Variants in STPG2 observed in about 807,000 individuals in gnomAD.
STPG2 encodes the protein sperm-tail PG-rich repeat-containing protein 2.
In STPG2, 56 loss-of-function variants were observed where a neutral mutation model predicts 54.2. The ratio of observed to expected loss-of-function variants is 1.03; its 90% CI spans 0.83 to 1.29. The LOEUF (loss-of-function observed/expected upper bound fraction) is 1.29, where lower values mean the gene tolerates loss of function less well. Among genes scored for constraint, STPG2 ranks in the 50% most tolerant of loss-of-function variants. STPG2 has a pLI of 0.00. For synonymous variants in STPG2, 200 were observed against 181.8 expected, an observed-to-expected ratio of 1.10 and a Z score of -0.81; for missense variants, 596 against 544.9, an observed-to-expected ratio of 1.09 and a Z score of -0.93.
intron 9 of STPG2, among the ~76,000 whole-genome samples, chr4:97,740,412 A>C (rs1229382108): frequency 6.6e-6 from 1 of 152,154 alleles, no homozygotes; most frequent in African/African-American, 2.4e-5. Flanking sequence ...GGAAAAGAGG[A>C]AGTCAAATTG....
chr4:98,051,620 G>T (rs889170938), intron 5 of STPG2, among the ~76,000 whole-genome samples: 1 of 151,928 alleles, frequency 6.6e-6, no homozygotes, highest in African/African-American at 2.4e-5. Flanking sequence ...CAACTTCCCA[G>T]TCTCCAGAAT....
At chr4:98,062,434 C>T (rs542571119) in intron 5 of STPG2, among the ~76,000 whole-genome samples, 84 of 151,908 alleles carry the variant, frequency 5.5e-4, no homozygotes, top group Non-Finnish European at 9.9e-4. Flanking sequence ...TCGCATGTAC[C>T]CCAGAACCTA....
chr4:97,460,309 A>G (rs1729631414), intron 4 of STPG2, among the ~76,000 whole-genome samples: 1 of 151,746 alleles, frequency 6.6e-6, no homozygotes, highest in South Asian at 2.1e-4. Context: ...TAGGCATGTT[A>G]TATATTTTAT....
Position 97,598,160 on chromosome 4 carries a change from C to T in STPG2, c.1321-39043G>A, listed in dbSNP as rs944394719. ...CAATAGCCACAAAAAGAAACAAATA[C>T]GTAGGAATACAGCTAACAGGGAAGG... On this transcript the variant is annotated intron_variant, in intron 10 of 10. Coordinates refer to ENST00000295268, the MANE Select transcript of STPG2 (RefSeq NM_174952.3). 2.0e-5 allele frequency among the ~76,000 whole-genome samples: 3 copies of T among 151,862 alleles called. No individual in the cohort carries two copies. In the South Asian group the frequency reaches 6.2e-4, roughly 32 times the overall value.
At chr4:97,547,824 G>A (rs1731872397) in intron 4 of STPG2, among the ~76,000 whole-genome samples, 1 of 152,114 alleles carries the variant, frequency 6.6e-6, no homozygotes, top group Non-Finnish European at 1.5e-5. Flanking sequence ...TCGAGGAAGG[G>A]AGCTCTATTG....
intron 10 of STPG2, among the ~76,000 whole-genome samples, chr4:97,638,820 G>A (rs1295595651): frequency 2.1e-5 from 3 of 143,918 alleles, no homozygotes; most frequent in Middle Eastern, 3.5e-3. Flanking sequence ...AGTTAGAATG[G>A]CAATCATTAA....
intron 3 of STPG2, among the ~76,000 whole-genome samples, chr4:98,125,967 G>A (rs567107389): frequency 1.1e-4 from 16 of 152,264 alleles, no homozygotes; most frequent in Admixed American, 2.6e-4. Flanking sequence ...CCACTGTGCC[G>A]TGGTGTGGGG....
At chr4:97,905,696 G>C (rs1045974936) in intron 8 of STPG2, among the ~76,000 whole-genome samples, 117 of 152,114 alleles carry the variant, frequency 7.7e-4, no homozygotes, top group Non-Finnish European at 1.1e-3. Context: ...TCAGTGTGCT[G>C]TATTCAGGAA....
At chr4:97,968,323 G>A (rs1734193429) in intron 7 of STPG2, among the ~76,000 whole-genome samples, 1 of 152,020 alleles carries the variant, frequency 6.6e-6, no homozygotes, top group Admixed American at 6.6e-5. Flanking sequence ...AAATTTCCAG[G>A]ACAAGATGGA....
At chr4:98,114,992 T>C (rs1397712288) in intron 3 of STPG2, among the ~76,000 whole-genome samples, 2 of 151,928 alleles carry the variant, frequency 1.3e-5, no homozygotes, top group East Asian at 1.9e-4. Flanking sequence ...CAATACCAAC[T>C]TCAAGGTCAC....
At chr4:97,587,986 T>A (rs1001593702) in intron 10 of STPG2, among the ~76,000 whole-genome samples, 5 of 152,024 alleles carry the variant, frequency 3.3e-5, no homozygotes, top group African/African-American at 1.2e-4. Context: ...ACCCTGAGAT[T>A]TGCTTTCTGA....
chr4:97,601,492 G>T (rs370035238), intron 10 of STPG2, among the ~76,000 whole-genome samples: 9 of 151,502 alleles, frequency 5.9e-5, no homozygotes, highest in Middle Eastern at 3.4e-3. Context: ...TTTTTTTCCC[G>T]TATGGGTGAT....
intron 5 of STPG2, among the ~76,000 whole-genome samples, chr4:98,002,821 A>G (rs1186249486): frequency 6.6e-6 from 1 of 152,120 alleles, no homozygotes; most frequent in Non-Finnish European, 1.5e-5. Flanking sequence ...ACACTCATTA[A>G]TGGGTAATTA....
intron 10 of STPG2, among the ~76,000 whole-genome samples, chr4:97,578,521 T>C (rs1048155229): frequency 1.3e-5 from 2 of 152,034 alleles, no homozygotes; most frequent in African/African-American, 4.8e-5. Context: ...AACGTCAGAA[T>C]TGAACTGAGT....
intron 10 of STPG2, among the ~76,000 whole-genome samples, chr4:97,666,301 G>A (rs537767734): frequency 2.6e-5 from 4 of 152,172 alleles, no homozygotes; most frequent in Non-Finnish European, 4.4e-5. Context: ...GGCCTCTCTA[G>A]ATGGGATGCC....
chr4:97,886,690 A>C (rs1349241079), intron 8 of STPG2, among the ~76,000 whole-genome samples: 1 of 152,156 alleles, frequency 6.6e-6, no homozygotes, highest in African/African-American at 2.4e-5. Context: ...TTTTTAGGTA[A>C]TTACTTTCCT....
At chr4:97,962,204 G>A (rs1442248601) in intron 7 of STPG2, among the ~76,000 whole-genome samples, 1 of 152,096 alleles carries the variant, frequency 6.6e-6, no homozygotes, top group Non-Finnish European at 1.5e-5. Context: ...TGAAGACTCA[G>A]GGGGAATGGG....
intron 4 of STPG2, among the ~76,000 whole-genome samples, chr4:97,496,066 T>C (rs1009173961): frequency 6.6e-6 from 1 of 151,612 alleles, no homozygotes; most frequent in African/African-American, 2.4e-5. Flanking sequence ...ACAACCAATA[T>C]GTCCTAAAAA....
chr4:97,771,643 G>A (rs530353355), intron 9 of STPG2, among the ~76,000 whole-genome samples: 1 of 152,330 alleles, frequency 6.6e-6, no homozygotes, highest in South Asian at 2.1e-4. Flanking sequence ...TTGCCCATGA[G>A]GTGAGCCACT....
Sources: allele counts gnomAD v4.1 joint callset (sites outside exome capture counted in the v4.1 genomes callset), GRCh38; gene constraint gnomAD v4.1.1; transcripts MANE v1.5; gene names NCBI Gene and HGNC (gene_info 2026-07-23, HGNC 2026-07-21).